The following SPAG16 variants were observed in gnomAD, a reference collection of about 807,000 sequenced individuals.
SPAG16 encodes the protein sperm associated antigen 16.
SPAG16 carries 86 observed loss-of-function variants against 80.4 expected under a neutral mutation model. The ratio of observed to expected loss-of-function variants is 1.07; its 90% CI spans 0.90 to 1.28. The LOEUF is 1.28. Ranked by LOEUF, SPAG16 falls within the 50% of genes most tolerant of loss-of-function variation. The probability of loss-of-function intolerance (pLI) is 0.00; values close to 1 mark genes in which losing one functional copy is unlikely to be tolerated. For missense variants in SPAG16, 870 were observed against 765.3 expected (o/e 1.14, Z -1.61); for synonymous variants, 294 against 265.9 (o/e 1.11, Z -1.03).
At position 214,271,732 on chromosome 2, in the gene SPAG16, G is replaced by A. The variant is rs151249037; in HGVS notation, c.1720+122466G>A. On this transcript the variant is annotated intron_variant, in intron 15 of 15. Coordinates refer to ENST00000331683, the MANE Select transcript of SPAG16 (RefSeq NM_024532.5). ...GGAGAATCACTTGAACCTGGGAGGC[G>A]GAGATTGCAGTGAGCCGACATTGTG... Among the ~76,000 whole-genome samples the A allele has an allele frequency of 6.9e-3, 1,055 of 152,066 alleles. 10 individuals are homozygous for A. Among genetic ancestry groups the A allele is most frequent in the African/African-American group, 0.024 (997 of 41,470 alleles).
intron 12 of SPAG16, among the ~76,000 whole-genome samples, chr2:213,951,329 T>C (rs1280251813): frequency 6.6e-6 from 1 of 152,138 alleles, no homozygotes; most frequent in Non-Finnish European, 1.5e-5. Context: ...AATAGAAATG[T>C]CAATTATAAA....
intron 15 of SPAG16, among the ~76,000 whole-genome samples, chr2:214,180,694 C>G (rs2057283096): frequency 6.6e-6 from 1 of 151,692 alleles, no homozygotes; most frequent in East Asian, 1.9e-4. Flanking sequence ...GTTAAGACAC[C>G]TAGACACATA....
At chr2:214,270,691 T>C (rs1401441337) in intron 15 of SPAG16, among the ~76,000 whole-genome samples, 1 of 152,132 alleles carries the variant, frequency 6.6e-6, no homozygotes, top group Non-Finnish European at 1.5e-5. Context: ...ATGCCTGAAA[T>C]GCATATGCTT....
At chr2:214,144,242 A>G (rs2055515401) in intron 14 of SPAG16, among the ~76,000 whole-genome samples, 1 of 152,166 alleles carries the variant, frequency 6.6e-6, no homozygotes, top group South Asian at 2.1e-4. Flanking sequence ...ATAATATATA[A>G]CTGTTATCTT....
intron 10 of SPAG16, among the ~76,000 whole-genome samples, chr2:213,684,917 C>T (rs1185357999): frequency 6.6e-6 from 1 of 152,186 alleles, no homozygotes; most frequent in African/African-American, 2.4e-5. Flanking sequence ...AATTGCAGCT[C>T]TACATGTGCT....
intron 5 of SPAG16, among the ~76,000 whole-genome samples, chr2:213,339,799 A>G (rs2064576124): frequency 6.6e-6 from 1 of 152,080 alleles, no homozygotes; most frequent in Non-Finnish European, 1.5e-5. Flanking sequence ...TTTATTTTTA[A>G]TAATTTTGAA....
chr2:214,358,258 C>A (rs1476679005), intron 15 of SPAG16, among the ~76,000 whole-genome samples: 1 of 151,876 alleles, frequency 6.6e-6, no homozygotes, highest in African/African-American at 2.4e-5. Flanking sequence ...ACCCTTGCAT[C>A]TACCCAAGCT....
chr2:213,904,716 G>A (rs997136935), intron 11 of SPAG16, among the ~76,000 whole-genome samples: 1 of 151,978 alleles, frequency 6.6e-6, no homozygotes, highest in Non-Finnish European at 1.5e-5. Flanking sequence ...CTAAATGAAG[G>A]GAAGGGGCCT....
intron 15 of SPAG16, among the ~76,000 whole-genome samples, chr2:214,256,940 T>G (rs1441976903): frequency 1.3e-5 from 2 of 152,016 alleles, no homozygotes; most frequent in Non-Finnish European, 2.9e-5. Flanking sequence ...TTTAACATCT[T>G]GTCAATTTGT....
At chr2:213,816,160 T>C (rs1575218515) in intron 10 of SPAG16, among the ~76,000 whole-genome samples, 1 of 152,202 alleles carries the variant, frequency 6.6e-6, no homozygotes. Context: ...CTTTCATAAA[T>C]GGAATCATAC....
chr2:213,572,979 C>T (rs936888101), intron 10 of SPAG16, among the ~76,000 whole-genome samples: 6 of 152,270 alleles, frequency 3.9e-5, no homozygotes, highest in South Asian at 2.1e-4. Flanking sequence ...GCGCAATATT[C>T]GGGTGGGAGT....
intron 15 of SPAG16, among the ~76,000 whole-genome samples, chr2:214,235,596 GT>G (rs1292204329): frequency 9.9e-5 from 15 of 152,086 alleles, no homozygotes; most frequent in African/African-American, 3.6e-4. Flanking sequence ...ATTTTAAAAA[GT>G]GTCTCTGACA....
intron 9 of SPAG16, among the ~76,000 whole-genome samples, chr2:213,466,605 C>T (rs1299021893): frequency 6.6e-6 from 1 of 152,136 alleles, no homozygotes; most frequent in Non-Finnish European, 1.5e-5. Context: ...GCCCTGGTCT[C>T]CTCTGACAAG....
intron 10 of SPAG16, among the ~76,000 whole-genome samples, chr2:213,563,227 T>C (rs935051440): frequency 6.6e-6 from 1 of 152,252 alleles, no homozygotes; most frequent in Non-Finnish European, 1.5e-5. Flanking sequence ...ACTCTTAATA[T>C]CTGATTGCTT....
intron 15 of SPAG16, among the ~76,000 whole-genome samples, chr2:214,361,141 C>G (rs1487110094): frequency 6.6e-6 from 1 of 151,846 alleles, no homozygotes; most frequent in Non-Finnish European, 1.5e-5. Flanking sequence ...AAAGCCTTTT[C>G]ACTGCATTTG....
At chr2:213,626,020 C>T (rs551381724) in intron 10 of SPAG16, among the ~76,000 whole-genome samples, 5 of 152,042 alleles carry the variant, frequency 3.3e-5, no homozygotes, top group Non-Finnish European at 5.9e-5. Flanking sequence ...TTGTTATTGA[C>T]ATTTCATTCC....
chr2:213,350,703 C>A, intron 7 of SPAG16, 58 bp downstream of exon 7: 1 of 964,554 alleles, frequency 1.0e-6, no homozygotes, highest in Non-Finnish European at 1.5e-6. Flanking sequence ...TTTAATAATA[C>A]AAGTAGAAAT....
At chr2:213,738,577 C>T (rs1012524516) in intron 10 of SPAG16, among the ~76,000 whole-genome samples, 13 of 152,086 alleles carry the variant, frequency 8.5e-5, no homozygotes, top group African/African-American at 2.9e-4. Context: ...CAAATATATA[C>T]CTTATAACTT....
intron 12 of SPAG16, among the ~76,000 whole-genome samples, chr2:213,984,424 T>A (rs2045911664): frequency 6.6e-6 from 1 of 152,108 alleles, no homozygotes; most frequent in Non-Finnish European, 1.5e-5. Flanking sequence ...CTCTTCAAAC[T>A]TGGAAGAATG....
Sources: allele counts gnomAD v4.1 joint callset (sites outside exome capture counted in the v4.1 genomes callset), GRCh38; gene constraint gnomAD v4.1.1; transcripts MANE v1.5; gene names NCBI Gene and HGNC (gene_info 2026-07-23, HGNC 2026-07-21).